SMTN: variants seen among roughly 807,000 people sequenced by gnomAD.
SMTN encodes the protein smoothelin.
SMTN carries 58 observed loss-of-function variants against 102.0 expected under a neutral mutation model. That is an observed-to-expected ratio of 0.57 (90% CI 0.46 to 0.71). The LOEUF (loss-of-function observed/expected upper bound fraction) is 0.71. Among genes scored for constraint, SMTN ranks in the 30% least tolerant of loss-of-function variants. The pLI, the probability that SMTN is intolerant of heterozygous loss-of-function variation, is 0.00. For missense variants in SMTN, 1,185 were observed against 1,241.7 expected, an observed-to-expected ratio of 0.95 and a Z score of 0.69; for synonymous variants, 478 against 497.9, an observed-to-expected ratio of 0.96 and a Z score of 0.53.
rs1014288402 is a variant in SMTN at position 31,095,035 on chromosome 22, A to C, written c.1633-268A>C. ...GTAAAGTCCCTAGTGTTTATACAAC[A>C]CTTACTATGGACTGGAAATCATCAT... On this transcript the variant is annotated intron_variant, in intron 11 of 20. Coordinates refer to ENST00000333137, the MANE Select transcript of SMTN (RefSeq NM_134269.3). The surrounding 1 kb of genome is among the most constrained non-coding windows in gnomAD (Gnocchi z 4.1). Among the ~76,000 whole-genome samples the C allele has an allele frequency of 6.6e-6, 1 of 152,124 alleles. No individual in the cohort carries two copies. Among genetic ancestry groups the C allele is most frequent in the African/African-American group, 2.4e-5 (1 of 41,416 alleles).
At position 31,101,035 on chromosome 22, in the gene SMTN, G is replaced by T; in HGVS notation, c.*6G>T. 3 of 1,604,174 alleles carry T rather than the reference G, an allele frequency of 1.9e-6. No individual in the cohort carries two copies. The highest frequency in any genetic ancestry group is 1.7e-6 in the Non-Finnish European group (2 of 1,173,764). ...TAAAAACCAAAAAGTCCTAACCCCTGCTCGGGGCCCCACGGTGAGAAACGC... is the reference window on the plus strand; with the variant it reads ...TAAAAACCAAAAAGTCCTAACCCCTTCTCGGGGCCCCACGGTGAGAAACGC... On this transcript the variant is annotated 3_prime_UTR_variant, in exon 20 of 21. Coordinates refer to ENST00000333137, the MANE Select transcript of SMTN (RefSeq NM_134269.3).
intron 10 of SMTN, 92 bp from the exon 11 acceptor site, chr22:31,091,583 G>A (rs979213680): frequency 6.9e-5 from 105 of 1,513,258 alleles, no homozygotes; most frequent in Admixed American, 2.3e-4. Flanking sequence ...TGTCTCCAAA[G>A]GGTGTGCTGG....
intron 2 of SMTN, among the ~76,000 whole-genome samples, chr22:31,085,678 A>T (rs2042645610): frequency 2.0e-5 from 3 of 151,900 alleles, no homozygotes; most frequent in African/African-American, 7.3e-5. Context: ...CTCCCTCCTT[A>T]CACAGCGGTG....
In SMTN at chr22:31,095,110, C is replaced by T. The variant is rs2043467239; in HGVS notation, c.1633-193C>T. On this transcript the variant is annotated intron_variant, in intron 11 of 20. Transcript: ENST00000333137. The surrounding 1 kb of genome is among the most constrained non-coding windows in gnomAD (Gnocchi z 4.1). The stretch of plus-strand genomic sequence containing the variant: ...TACAATTCGGGGTACGTGGGAAGCC[C>T]TACAACAAAACTGTCAGTGCCTCTT... Among the ~76,000 whole-genome samples the T allele has an allele frequency of 6.6e-6, 1 of 152,194 alleles. No homozygotes were observed. Among genetic ancestry groups the T allele is most frequent in the Non-Finnish European group, 1.5e-5 (1 of 68,030 alleles).
intron 3 of SMTN, 63 bp from the exon 4 acceptor site, chr22:31,088,450 T>C: frequency 1.4e-6 from 2 of 1,464,298 alleles, no homozygotes; most frequent in Non-Finnish European, 1.9e-6. Context: ...GCTCCTACCC[T>C]TAGCCCACAT....
intron 1 of SMTN, among the ~76,000 whole-genome samples, chr22:31,068,649 C>T (rs186416348): frequency 2.0e-5 from 3 of 152,304 alleles, no homozygotes. Context: ...TTCATTTGTT[C>T]CACACGTGTG....
chr22:31,095,458 A>G lies in SMTN; in HGVS notation c.1785+3A>G. On this transcript the variant is annotated splice_donor_region_variant and intron_variant, in intron 12 of 20. Coordinates refer to ENST00000333137, the MANE Select transcript of SMTN (RefSeq NM_134269.3). This position sits in a 1 kb window ranked among gnomAD's most constrained non-coding sequence, Gnocchi z 4.1. ...ATGAAGGAGTCTTGGACAAGATGGTATAGCCAGATCCGGTGGGCTGGGGGT... is the reference window on the plus strand; with the variant it reads ...ATGAAGGAGTCTTGGACAAGATGGTGTAGCCAGATCCGGTGGGCTGGGGGT... The G allele has an allele frequency of 1.2e-6, 2 of 1,614,254 alleles. No individual in the cohort carries two copies.
rs754489187 is a variant in SMTN, at chr22:31,099,864, C to G, written c.2571C>G (p.Arg857=). ...GGCAGCTTAGCCCTCAGAACCGACG[C>G]CAGAACTTCGAGGTGGCCTTCTCAT... ...DYGQLSPQNR[R]QNFEVAFSSA... The change falls in exon 19 of 21, where the codon CGC becomes CGG. Residue 857 remains arginine (R), a synonymous_variant. Coordinates refer to ENST00000333137, the MANE Select transcript of SMTN (RefSeq NM_134269.3). 5.1e-5 allele frequency: 83 copies of G among 1,613,934 alleles called. 2 individuals are homozygous for G. The Admixed American group carries it at 9.7e-4, about 19-fold the overall frequency.
At chr22:31,064,152 G>A (rs1201985229) in exon 1 of SMTN, 2 of 152,294 alleles carry the variant, frequency 1.3e-5, no homozygotes, top group Non-Finnish European at 2.9e-5. Context: ...GAACGGCATG[G>A]TTGGAGTCAG....
At chr22:31,093,604 C>T (rs772930560) in intron 11 of SMTN, 11 of 756,346 alleles carry the variant, frequency 1.5e-5, no homozygotes, top group Admixed American at 7.2e-5. Flanking sequence ...GCCGGTGGCC[C>T]GGGCAGCTGA....
chr22:31,081,621 G>A (rs1011489120), intron 1 of SMTN, among the ~76,000 whole-genome samples, 165 bp downstream of exon 1: 1 of 152,188 alleles, frequency 6.6e-6, no homozygotes, highest in Non-Finnish European at 1.5e-5. Flanking sequence ...GGGGGAAGAC[G>A]CCCCCGGATT....
rs749367269 is a variant in SMTN, at chr22:31,099,764, TCTC to T, written c.2476_2478del (p.Ser827del). 1 of 1,613,996 alleles carries T rather than the reference TCTC, an allele frequency of 6.2e-7. No individual in the cohort carries two copies. Among genetic ancestry groups the T allele is most frequent in the Non-Finnish European group, 8.5e-7 (1 of 1,179,918 alleles). On this transcript the variant is annotated inframe_deletion, in exon 19 of 21. Transcript: ENST00000333137. ...TTATAGCACGTCGACATCCAGAACT[TCTC>T]CTCCAGCTGGAGTGATGGGATGGCC...
At chr22:31,088,799 C>T (rs1360302465) in intron 5 of SMTN, 22 bp downstream of exon 5, 2 of 1,611,442 alleles carry the variant, frequency 1.2e-6, no homozygotes, top group Middle Eastern at 1.7e-4. Context: ...GTCCCGGCCC[C>T]ACCCCTGCCC....
intron 1 of SMTN, among the ~76,000 whole-genome samples, chr22:31,068,579 G>T (rs1276468647): frequency 1.3e-5 from 2 of 152,138 alleles, no homozygotes; most frequent in African/African-American, 4.8e-5. Flanking sequence ...ACCCATGCTG[G>T]CTGGCTGACC....
At chr22:31,087,935 A>G (rs765959753) in intron 2 of SMTN, 30 bp from the exon 3 acceptor site, 1 of 1,551,220 alleles carries the variant, frequency 6.4e-7, no homozygotes, top group East Asian at 2.3e-5. Flanking sequence ...CCTGGCAGCC[A>G]AAATGACCTG....
intron 6 of SMTN, among the ~76,000 whole-genome samples, chr22:31,089,195 C>T (rs1911695588): frequency 6.6e-6 from 1 of 152,218 alleles, no homozygotes. Flanking sequence ...ACACAGCCCA[C>T]ATCTTTACCT....
Position 31,087,670 on chromosome 22 carries a change from G to A in SMTN, c.52-295G>A, listed in dbSNP as rs534246256. Reference sequence around the variant, plus strand: ...ATCTGGGCTCTGAGAGGCAGGAATCGAGTTGTAGAAAGGAGTGCCTGGCTT... The same window carrying A: ...ATCTGGGCTCTGAGAGGCAGGAATCAAGTTGTAGAAAGGAGTGCCTGGCTT... On this transcript the variant is annotated intron_variant, in intron 2 of 20. Transcript: ENST00000333137. 5.9e-4 allele frequency among the ~76,000 whole-genome samples: 90 copies of A among 152,328 alleles called. 1 individual carries two copies. The highest frequency in any genetic ancestry group is 1.4e-3 in the South Asian group (7 of 4,830).
chr22:31,097,715 G>GATAAATAAATAAATAA (rs56931006), intron 16 of SMTN, among the ~76,000 whole-genome samples: 2 of 145,794 alleles, frequency 1.4e-5, no homozygotes, highest in African/African-American at 5.2e-5. Context: ...AAAATAAATA[G>GATAAATAAATAAATAA]ATAAATAAAT....
intron 20 of SMTN, chr22:31,101,588 C>T (rs1252216553): frequency 6.5e-6 from 1 of 153,882 alleles, no homozygotes; most frequent in East Asian, 1.9e-4. Context: ...AGTTCGAGAC[C>T]AGCCTGACCA....
Sources: allele counts gnomAD v4.1 joint callset (sites outside exome capture counted in the v4.1 genomes callset), GRCh38; gene constraint gnomAD v4.1.1; non-coding constraint Gnocchi (gnomAD v3.1); transcripts MANE v1.5; gene names NCBI Gene and HGNC (gene_info 2026-07-23, HGNC 2026-07-21).